Variants in LSS observed in about 807,000 individuals in gnomAD.
The protein encoded by LSS is lanosterol synthase.
A neutral mutation model predicts 110.3 loss-of-function variants in LSS; 90 were observed. That is an observed-to-expected ratio of 0.82 (90% CI 0.69 to 0.97). The LOEUF (loss-of-function observed/expected upper bound fraction) is 0.97. LSS is among the 50% of genes least tolerant of loss of function. LSS has a pLI of 0.00. For synonymous variants in LSS, 433 were observed against 400.0 expected, an observed-to-expected ratio of 1.08 and a Z score of -0.98; for missense variants, 927 against 990.0, an observed-to-expected ratio of 0.94 and a Z score of 0.85.
Position 46,212,643 on chromosome 21 carries a change from C to T in LSS, c.1137+382G>A, listed in dbSNP as rs140939413. On this transcript the variant is annotated intron_variant, in intron 11 of 21. Coordinates refer to ENST00000397728, the MANE Select transcript of LSS (RefSeq NM_002340.6). ...GTCCTCCAGGCTCCTGTCCTGTCCACCCAGGACCTTTAAGAAGAAGCCCCT... is the reference window on the plus strand; with the variant it reads ...GTCCTCCAGGCTCCTGTCCTGTCCATCCAGGACCTTTAAGAAGAAGCCCCT... Among the ~76,000 whole-genome samples the T allele has an allele frequency of 3.5e-3, 535 of 152,344 alleles. 2 individuals carry two copies. Among genetic ancestry groups the T allele is most frequent in the Middle Eastern group, 0.02 (6 of 294 alleles).
At chr21:46,221,709 C>A (rs1307829852) in intron 5 of LSS, 145 bp downstream of exon 5, 2 of 1,210,518 alleles carry the variant, frequency 1.7e-6, no homozygotes, top group Non-Finnish European at 2.3e-6. Context: ...ACAGTGTCTG[C>A]CTACTTCTGC....
rs2839147 is a variant in LSS, at chr21:46,211,037, T to C, written c.1138-293A>G. Among the ~76,000 whole-genome samples, 130,990 of 152,278 alleles carry C rather than the reference T, an allele frequency of 0.86. 56,886 individuals are homozygous for C. The highest frequency in any genetic ancestry group is 0.93 in the African/African-American group (38,688 of 41,580). On this transcript the variant is annotated intron_variant, in intron 11 of 21. Transcript: ENST00000397728. ...ACACTTCTAGGACTGGACGATCCCT[T>C]AGAGGCTCCAGCACCTACACATAGA...
intron 3 of LSS, chr21:46,225,345 C>T (rs1257502215): frequency 1.3e-5 from 6 of 448,508 alleles, no homozygotes; most frequent in South Asian, 6.2e-5. Flanking sequence ...CTAGCGGTAA[C>T]GCCAGCATCT....
intron 5 of LSS, 145 bp from the exon 6 acceptor site, chr21:46,219,717 C>G: frequency 2.0e-6 from 1 of 508,980 alleles, no homozygotes; most frequent in Non-Finnish European, 3.4e-6. Flanking sequence ...CTTGCGACCC[C>G]CATGTGCGAA....
chr21:46,203,593 G>A (rs191138635), intron 17 of LSS, among the ~76,000 whole-genome samples: 2 of 152,184 alleles, frequency 1.3e-5, no homozygotes, highest in South Asian at 2.1e-4. Flanking sequence ...TTTTTAAAAG[G>A]CCAATTCTCT....
rs1226189448 is a variant in LSS, at chr21:46,207,538, C to T, written c.1357G>A (p.Val453Ile). The change falls in exon 15 of 22, where the codon GTT becomes ATT. Residue 453 changes from valine (V) to isoleucine (I), a missense_variant. Val to Ile is a conservative substitution (Grantham distance 29). Transcript: ENST00000397728. The stretch of plus-strand genomic sequence containing the variant: ...AAGGCCTCAGCCGTGCAGTCAGAAA[C>T]GATCCAGCCGCAGTCCAGCGTACTG... Reference protein sequence around the residue: ...SFSTLDCGWIVSDCTAEALKA... With the variant: ...SFSTLDCGWIISDCTAEALKA... The T allele has an allele frequency of 3.1e-6, 5 of 1,610,906 alleles. No homozygotes were observed. The South Asian group carries it at 4.4e-5, about 14-fold the overall frequency.
intron 5 of LSS, among the ~76,000 whole-genome samples, chr21:46,220,769 A>AGGGGCTTGGAGAGGTAGCCAGGCC (rs941804980): frequency 4.0e-5 from 6 of 148,384 alleles, no homozygotes; most frequent in East Asian, 1.9e-4. Context: ...AGAGGTAGCC[A>AGGGGCTTGGAGAGGTAGCCAGGCC]GGGGCTTGGA....
At chr21:46,197,939 T>C (rs1363671335) in intron 17 of LSS, among the ~76,000 whole-genome samples, 1 of 151,680 alleles carries the variant, frequency 6.6e-6, no homozygotes, top group Non-Finnish European at 1.5e-5. Flanking sequence ...CTGTCTTAAA[T>C]ATAGACCAAT....
At chr21:46,208,370 T>G (rs1352954177) in intron 13 of LSS, 69 bp from the exon 14 acceptor site, 3 of 1,339,006 alleles carry the variant, frequency 2.2e-6, no homozygotes, top group Non-Finnish European at 3.1e-6. Flanking sequence ...ATCTGGGACA[T>G]CGCTGAGACA....
chr21:46,210,733 G>A lies in LSS; in HGVS notation c.1149C>T (p.Gly383=). 6.2e-7 allele frequency: 1 copy of A among 1,614,078 alleles called. No individual in the cohort carries two copies. Among genetic ancestry groups the A allele is most frequent in the Non-Finnish European group, 8.5e-7 (1 of 1,180,004 alleles). ...LDGMKMQGTN[G]SQIWDTAFAI... ...CGAATGCGGTGTCCCAGATCTGTGAGCCGTTGGTGCCCTACACACAAAGGA... is the reference window on the plus strand; with the variant it reads ...CGAATGCGGTGTCCCAGATCTGTGAACCGTTGGTGCCCTACACACAAAGGA... Residue 383 remains glycine (G), a synonymous_variant, in exon 12 of 22, where the codon GGC becomes GGT. Transcript: ENST00000397728.
Position 46,189,774 on chromosome 21 carries a change from G to A in LSS, c.*1330C>T, listed in dbSNP as rs934549052. The stretch of plus-strand genomic sequence containing the variant: ...GGGGAAGAGCAGATAAGGAGGTATA[G>A]GGTGTGCCCTGGGCAAGGCAGCAGG... On this transcript the variant is annotated 3_prime_UTR_variant, in exon 22 of 22. Coordinates refer to ENST00000397728, the MANE Select transcript of LSS (RefSeq NM_002340.6). 2.2e-6 allele frequency: 1 copy of A among 456,328 alleles called. No homozygotes were observed. The highest frequency in any genetic ancestry group is 4.4e-6 in the Non-Finnish European group (1 of 226,146). The allele number at this position is 456,328 out of a possible 1,614,324, so 28.3% of individuals were successfully genotyped here.
chr21:46,205,660 A>T (rs1449391239), intron 17 of LSS, among the ~76,000 whole-genome samples, 176 bp downstream of exon 17: 2 of 152,210 alleles, frequency 1.3e-5, no homozygotes, highest in Non-Finnish European at 2.9e-5. Context: ...CCCCTAACAG[A>T]TATTTTGTAT....
intron 17 of LSS, among the ~76,000 whole-genome samples, chr21:46,204,653 G>C (rs548427282): frequency 4.6e-5 from 7 of 151,814 alleles, no homozygotes; most frequent in African/African-American, 1.7e-4. Context: ...AAGAAAGAAA[G>C]AAATTGAACT....
intron 17 of LSS, among the ~76,000 whole-genome samples, chr21:46,200,607 A>G (rs2123708615): frequency 6.6e-6 from 1 of 152,312 alleles, no homozygotes; most frequent in Admixed American, 6.5e-5. Context: ...TAACTTGTGG[A>G]ACAATTCAAA....
chr21:46,206,012 G>A (rs574028324), intron 16 of LSS, 71 bp from the exon 17 acceptor site: 4 of 1,183,972 alleles, frequency 3.4e-6, no homozygotes, highest in East Asian at 2.5e-5. Flanking sequence ...CTCAGGCAAA[G>A]CCACAACAAG....
At chr21:46,193,109 G>A (rs2079849778) in intron 20 of LSS, 5 of 446,376 alleles carry the variant, frequency 1.1e-5, no homozygotes, top group South Asian at 7.9e-5. Context: ...CTGCATGTGT[G>A]TACACAGGTG....
Position 46,188,522 on chromosome 21 carries a change from C to T in LSS, c.*2582G>A. On this transcript the variant is annotated 3_prime_UTR_variant, in exon 22 of 22. Transcript: ENST00000397728. ...GAGGCTGCACCGGTACAGCTGCCAT[C>T]TCCTCTTGGTGGTGTCCTTTGTCAA... 1 of 409,750 alleles carries T rather than the reference C, an allele frequency of 2.4e-6. No homozygotes were observed. The highest frequency in any genetic ancestry group is 1.7e-5 in the South Asian group (1 of 58,538). 25.4% of individuals were successfully genotyped at this position (409,750 alleles called of 1,614,324 possible).
intron 17 of LSS, among the ~76,000 whole-genome samples, chr21:46,201,821 G>A (rs1452138560): frequency 1.7e-4 from 25 of 144,990 alleles, no homozygotes; most frequent in Non-Finnish European, 2.4e-4. Flanking sequence ...TTTTTGAGAC[G>A]GTGTCTTGCA....
At chr21:46,215,569 G>T (rs534513085) in intron 8 of LSS, 116 bp downstream of exon 8, 105 of 717,654 alleles carry the variant, frequency 1.5e-4, no homozygotes, top group South Asian at 2.6e-4. Flanking sequence ...GCCCCCTGGG[G>T]CCTGGCACAG....
Sources: allele counts gnomAD v4.1 joint callset (sites outside exome capture counted in the v4.1 genomes callset), GRCh38; gene constraint gnomAD v4.1.1; transcripts MANE v1.5; gene names NCBI Gene and HGNC (gene_info 2026-07-23, HGNC 2026-07-21).